Variants in ISM1 observed in about 807,000 individuals in gnomAD.
The protein encoded by ISM1 is isthmin-1.
A neutral mutation model predicts 46.3 loss-of-function variants in ISM1; 25 were observed. The ratio of observed to expected loss-of-function variants is 0.54; its 90% CI spans 0.39 to 0.75. The LOEUF is 0.75. ISM1 is among the 30% of genes least tolerant of loss of function. The pLI is 0.00. For missense variants in ISM1, 536 were observed against 625.4 expected (o/e 0.86, Z 1.52); for synonymous variants, 255 against 256.7 (o/e 0.99, Z 0.06).
chr20:13,263,580 G>A (rs1254093620), intron 1 of ISM1, among the ~76,000 whole-genome samples: 1 of 152,110 alleles, frequency 6.6e-6, no homozygotes, highest in Non-Finnish European at 1.5e-5. Flanking sequence ...AATACCACTA[G>A]TGGCATTCTT....
At position 13,300,324 on chromosome 20, in the gene ISM1, G is replaced by C. The variant is rs1015635744; in HGVS notation, c.*865G>C. 11 of 151,808 alleles carry C rather than the reference G, an allele frequency of 7.2e-5. No homozygotes were observed. Among genetic ancestry groups the C allele is most frequent in the Admixed American group, 7.2e-4 (11 of 15,210 alleles). 9.4% of individuals were successfully genotyped at this position (151,808 alleles called of 1,614,324 possible). A position where few individuals can be genotyped will look rare whatever the true frequency, so the allele number is the denominator to read the frequency against. ...CAAAGGAAAACAACAAAACAAATGG[G>C]AAAAAGATAATGGACCGCATTTCAC... On this transcript the variant is annotated 3_prime_UTR_variant, in exon 6 of 6. Transcript: ENST00000262487.
At chr20:13,255,608 GGTAGA>G (rs2039918783) in intron 1 of ISM1, among the ~76,000 whole-genome samples, 1 of 152,176 alleles carries the variant, frequency 6.6e-6, no homozygotes, top group South Asian at 2.1e-4. Context: ...AGACTTTGCA[GGTAGA>G]GTAGACAGAA....
chr20:13,293,923 G>A (rs1004929989), intron 5 of ISM1, among the ~76,000 whole-genome samples: 5 of 151,572 alleles, frequency 3.3e-5, no homozygotes, highest in Admixed American at 2.0e-4. Flanking sequence ...GCAGTGAGTC[G>A]AGATCACACC....
At chr20:13,324,024 GACA>G in the ISM1 span, among the ~76,000 whole-genome samples, 1 of 152,176 alleles carries the variant, frequency 6.6e-6, no homozygotes, top group East Asian at 1.9e-4. Flanking sequence ...TTCCTATAAG[GACA>G]ACAACTTGCA....
intron 4 of ISM1, among the ~76,000 whole-genome samples, chr20:13,288,941 T>C (rs916597189): frequency 2.0e-5 from 3 of 152,110 alleles, no homozygotes; most frequent in Admixed American, 6.5e-5. Context: ...CATGCCACCA[T>C]GCCTGGCTAA....
At chr20:13,295,778 G>A (rs886559854) in intron 5 of ISM1, among the ~76,000 whole-genome samples, 4 of 152,212 alleles carry the variant, frequency 2.6e-5, no homozygotes, top group African/African-American at 7.2e-5. Context: ...TGGAGGAGTC[G>A]CTTGTCGGGC....
intron 1 of ISM1, among the ~76,000 whole-genome samples, chr20:13,268,213 T>C (rs2040067731): frequency 6.7e-6 from 1 of 150,244 alleles, no homozygotes; most frequent in Admixed American, 6.6e-5. Context: ...TCTCTCTTGC[T>C]CCTTCTCTTT....
In ISM1 at chr20:13,299,675, T is replaced by C. The variant is rs939999034; in HGVS notation, c.*216T>C. 1.4e-5 allele frequency: 7 copies of C among 493,384 alleles called. No individual in the cohort carries two copies. The highest frequency in any genetic ancestry group is 2.1e-5 in the Non-Finnish European group (6 of 281,616). 30.6% of individuals were successfully genotyped at this position (493,384 alleles called of 1,614,324 possible). ...CGCCATCTGCAGAGCTCCTTGAAAG[T>C]GCCCCTGGGGAGCGATGTGGGCAGA... On this transcript the variant is annotated 3_prime_UTR_variant, in exon 6 of 6. Coordinates refer to ENST00000262487, the MANE Select transcript of ISM1 (RefSeq NM_080826.2). This position sits in a 1 kb window ranked among gnomAD's most constrained non-coding sequence, Gnocchi z 5.8.
At chr20:13,319,276 A>G in the ISM1 span, among the ~76,000 whole-genome samples, 2 of 152,270 alleles carry the variant, frequency 1.3e-5, no homozygotes, top group Middle Eastern at 3.4e-3. Context: ...CAACTAGACT[A>G]TGAGCAACTG....
At chr20:13,317,874 T>C in the ISM1 span, among the ~76,000 whole-genome samples, 1 of 152,096 alleles carries the variant, frequency 6.6e-6, no homozygotes, top group South Asian at 2.1e-4. Context: ...CTAGATGACC[T>C]TGTGTTAGGC....
In ISM1 at chr20:13,286,325, TG is replaced by T. The variant is rs143546828; in HGVS notation, c.644-2212del. Among the ~76,000 whole-genome samples, 877 of 151,992 alleles carry T rather than the reference TG, an allele frequency of 5.8e-3. 9 individuals are homozygous for T. Among genetic ancestry groups the T allele is most frequent in the African/African-American group, 0.02 (825 of 41,422 alleles). On this transcript the variant is annotated intron_variant, in intron 3 of 5. Transcript: ENST00000262487. ...AGACACCAGACTGCAAAGTTCTCGG[TG>T]GGAGCAGCGACTGCTCCTACCTGAG...
At chr20:13,316,119 C>G in the ISM1 span, among the ~76,000 whole-genome samples, 2 of 151,966 alleles carry the variant, frequency 1.3e-5, no homozygotes, top group South Asian at 4.2e-4. Flanking sequence ...GATATCACTA[C>G]AGATATCATG....
intron 1 of ISM1, among the ~76,000 whole-genome samples, chr20:13,235,926 C>CT (rs2039643087): frequency 1.5e-5 from 2 of 135,594 alleles, no homozygotes; most frequent in South Asian, 2.4e-4. Context: ...ATTGTACTTC[C>CT]CTTTTTTCTT....
chr20:13,292,407 A>T lies in ISM1; in HGVS notation c.821A>T (p.Glu274Val). The change falls in exon 5 of 6, where the codon GAA (glutamate) becomes GTA (valine). Residue 274 changes from glutamate (E) to valine (V), a missense_variant. Physicochemically the swap from Glu to Val is moderately radical, Grantham distance 121. Around this residue, in one of 2 missense-constraint regions of ISM1, gnomAD observed 367 missense variants for 376.1 expected, o/e 0.98. Transcript: ENST00000262487. ...IEDTFRTAATEVSLLAGSEEF... is the reference protein window; with the variant it reads ...IEDTFRTAATVVSLLAGSEEF... Reference sequence around the variant, plus strand: ...GACACTTTTAGGACAGCTGCCACCGAAGTGAGTCTGCTTGCGGGAAGCGAG... The same window carrying T: ...GACACTTTTAGGACAGCTGCCACCGTAGTGAGTCTGCTTGCGGGAAGCGAG... The T allele has an allele frequency of 6.2e-7, 1 of 1,607,104 alleles. No individual in the cohort carries two copies. The highest frequency in any genetic ancestry group is 8.5e-7 in the Non-Finnish European group (1 of 1,176,616).
chr20:13,274,554 T>G (rs1036610143), intron 2 of ISM1, among the ~76,000 whole-genome samples: 1 of 152,104 alleles, frequency 6.6e-6, no homozygotes, highest in Middle Eastern at 3.2e-3. Context: ...TCCCCACCCC[T>G]TCAGGCTCTG....
At chr20:13,325,211 C>T in the ISM1 span, among the ~76,000 whole-genome samples, 14 of 152,252 alleles carry the variant, frequency 9.2e-5, no homozygotes, top group East Asian at 5.8e-4. Flanking sequence ...TCACGAGAAA[C>T]GCATGTGGTA....
the ISM1 span, among the ~76,000 whole-genome samples, chr20:13,305,786 C>T: frequency 6.6e-6 from 1 of 152,312 alleles, no homozygotes; most frequent in Admixed American, 6.5e-5. Context: ...ATGAGACTAG[C>T]AATTCTTGGT....
intron 3 of ISM1, among the ~76,000 whole-genome samples, chr20:13,283,599 T>C (rs948462843): frequency 3.3e-5 from 5 of 152,178 alleles, no homozygotes; most frequent in Non-Finnish European, 5.9e-5. Context: ...ATGCTGTGAG[T>C]CAGCTCAACT....
At chr20:13,313,925 T>C in the ISM1 span, among the ~76,000 whole-genome samples, 4 of 152,180 alleles carry the variant, frequency 2.6e-5, no homozygotes, top group South Asian at 8.3e-4. Flanking sequence ...AGCAGAGAGA[T>C]AAAAAATTCT....
Sources: allele counts gnomAD v4.1 joint callset (sites outside exome capture counted in the v4.1 genomes callset), GRCh38; gene constraint gnomAD v4.1.1; regional missense constraint gnomAD v4.1.1; non-coding constraint Gnocchi (gnomAD v3.1); transcripts MANE v1.5; gene names NCBI Gene and HGNC (gene_info 2026-07-23, HGNC 2026-07-21).